Variants in LRTM2 observed in about 807,000 individuals in gnomAD.
The protein encoded by LRTM2 is leucine-rich repeat and transmembrane domain-containing protein 2.
A neutral mutation model predicts 28.1 loss-of-function variants in LRTM2; 18 were observed. The ratio of observed to expected loss-of-function variants is 0.64; its 90% CI spans 0.44 to 0.95. The LOEUF (loss-of-function observed/expected upper bound fraction) is 0.95. Ranked by LOEUF, LRTM2 falls within the 40% of genes least tolerant of loss-of-function variation. LRTM2 has a pLI of 0.00. For synonymous variants in LRTM2, 250 were observed against 218.7 expected (o/e 1.14, Z -1.26); for missense variants, 436 against 497.2 (o/e 0.88, Z 1.17).
At chr12:1,822,968 G>A (rs1007734232) in intron 1 of LRTM2, among the ~76,000 whole-genome samples, 2 of 152,212 alleles carry the variant, frequency 1.3e-5, no homozygotes, top group Admixed American at 6.5e-5. Flanking sequence ...CAGGCCCAGG[G>A]TGTGGGCCCA....
At position 1,829,618 on chromosome 12, in the gene LRTM2, C is replaced by T. The variant is rs575359642; in HGVS notation, c.68-1317C>T. Among the ~76,000 whole-genome samples, 142 of 151,852 alleles carry T rather than the reference C, an allele frequency of 9.4e-4. No homozygotes were observed. The highest frequency in any genetic ancestry group is 1.6e-3 in the Non-Finnish European group (110 of 67,922). On this transcript the variant is annotated intron_variant, in intron 3 of 4. Transcript: ENST00000299194. This position sits in a 1 kb window ranked among gnomAD's most constrained non-coding sequence, Gnocchi z 4.2. ...CTCATCCTGTTCCTTCAAGCTCCAC[C>T]CTTTGGGACAGCAGACACCCAGACC...
chr12:1,821,198 C>T (rs959255708), intron 1 of LRTM2, among the ~76,000 whole-genome samples: 2 of 152,122 alleles, frequency 1.3e-5, no homozygotes, highest in South Asian at 2.1e-4. Flanking sequence ...CCAAGAAACT[C>T]GGGGGTCATG....
intron 4 of LRTM2, 37 bp downstream of exon 4, chr12:1,831,562 G>A: frequency 6.5e-7 from 1 of 1,539,372 alleles, no homozygotes; most frequent in Non-Finnish European, 8.9e-7. Context: ...CCGAGGGATT[G>A]GGACGATCAC....
intron 3 of LRTM2, among the ~76,000 whole-genome samples, chr12:1,830,008 A>C (rs923714268): frequency 6.6e-6 from 1 of 152,208 alleles, no homozygotes. Context: ...TACTTCTCCC[A>C]GCCCTACAGA....
At position 1,836,651 on chromosome 12, in the gene LRTM2, C is replaced by T. The variant is rs1864871354; in HGVS notation, c.*1930C>T. 6.6e-6 allele frequency: 1 copy of T among 152,408 alleles called. No homozygotes were observed. Among genetic ancestry groups the T allele is most frequent in the African/African-American group, 2.4e-5 (1 of 41,378 alleles). 9.4% of individuals were successfully genotyped at this position (152,408 alleles called of 1,614,324 possible). A position where few individuals can be genotyped will look rare whatever the true frequency, so the allele number is the denominator to read the frequency against. ...GACTGGGGGGAGGGGAGGGCATTGT[C>T]AATGGTGGTATCTTTAGCCTGAGAC... On this transcript the variant is annotated 3_prime_UTR_variant, in exon 5 of 5. Coordinates refer to ENST00000299194, the MANE Select transcript of LRTM2 (RefSeq NM_001039029.3).
rs773070069 is a variant in LRTM2 at position 1,828,450 on chromosome 12, G to A, written c.67+235G>A. On this transcript the variant is annotated intron_variant, in intron 3 of 4. Coordinates refer to ENST00000299194, the MANE Select transcript of LRTM2 (RefSeq NM_001039029.3). This position sits in a 1 kb window ranked among gnomAD's most constrained non-coding sequence, Gnocchi z 4.2. ...TGAGTGGTTAGACCTGGAGCTGGAG[G>A]CCACGACAGTTGTTCTACCTCCCCC... Among the ~76,000 whole-genome samples the A allele has an allele frequency of 3.9e-5, 6 of 152,244 alleles. No homozygotes were observed. The highest frequency in any genetic ancestry group is 7.4e-5 in the Non-Finnish European group (5 of 68,024).
intron 4 of LRTM2, among the ~76,000 whole-genome samples, chr12:1,833,000 C>T (rs554384394): frequency 1.6e-4 from 24 of 152,300 alleles, no homozygotes; most frequent in African/African-American, 5.1e-4. Flanking sequence ...TGCAGGCCAC[C>T]GAGGTGTCAG....
rs1458308005 is a variant in LRTM2, at chr12:1,834,762, G to C, written c.*41G>C. ...CGGCCAGGTAGGAAGGGCGGGGAGA[G>C]CACACGGCATTGCTCAGCCACAGCT... is the stretch of plus-strand genomic sequence containing the variant. On this transcript the variant is annotated 3_prime_UTR_variant, in exon 5 of 5. Coordinates refer to ENST00000299194, the MANE Select transcript of LRTM2 (RefSeq NM_001039029.3). The surrounding 1 kb of genome is among the most constrained non-coding windows in gnomAD (Gnocchi z 7.6). 1.9e-6 allele frequency: 3 copies of C among 1,542,326 alleles called. No individual in the cohort carries two copies. Among genetic ancestry groups the C allele is most frequent in the African/African-American group, 2.7e-5 (2 of 73,534 alleles).
At chr12:1,825,891 G>C (rs754680676) in intron 1 of LRTM2, among the ~76,000 whole-genome samples, 3 of 152,214 alleles carry the variant, frequency 2.0e-5, no homozygotes, top group Non-Finnish European at 4.4e-5. Flanking sequence ...TCTGCCTTGG[G>C]TGGCCGTGGA....
chr12:1,823,024 G>A (rs981340183), intron 1 of LRTM2, among the ~76,000 whole-genome samples: 23 of 152,168 alleles, frequency 1.5e-4, no homozygotes, highest in African/African-American at 3.1e-4. Flanking sequence ...TGAAGGGGGC[G>A]GCAGAGTAGG....
In LRTM2 at chr12:1,828,556, G is replaced by A. The variant is rs1172327615; in HGVS notation, c.67+341G>A. Among the ~76,000 whole-genome samples, 1 of 152,248 alleles carries A rather than the reference G, an allele frequency of 6.6e-6. No homozygotes were observed. Among genetic ancestry groups the A allele is most frequent in the African/African-American group, 2.4e-5 (1 of 41,454 alleles). On this transcript the variant is annotated intron_variant, in intron 3 of 4. Coordinates refer to ENST00000299194, the MANE Select transcript of LRTM2 (RefSeq NM_001039029.3). This position sits in a 1 kb window ranked among gnomAD's most constrained non-coding sequence, Gnocchi z 4.2. ...ATGCAGGCCTGCTGAGTCTTAAACA[G>A]CCTCACTGGTGCCTGAGCTTGTCGG...
intron 1 of LRTM2, among the ~76,000 whole-genome samples, chr12:1,826,401 C>CT (rs1491459894): frequency 1.4e-4 from 2 of 13,798 alleles, no homozygotes; most frequent in East Asian, 2.8e-3. Flanking sequence ...GAACCCAGAG[C>CT]CCCCCCCCCC....
At chr12:1,825,444 C>A (rs886947) in intron 1 of LRTM2, among the ~76,000 whole-genome samples, 83,851 of 152,122 alleles carry the variant, frequency 0.55, 23,680 homozygotes, top group East Asian at 0.87. Context: ...GGGTTAGGGA[C>A]TGCTCTGCAG....
At chr12:1,830,364 G>A (rs1864567548) in intron 3 of LRTM2, among the ~76,000 whole-genome samples, 1 of 152,230 alleles carries the variant, frequency 6.6e-6, no homozygotes, top group Admixed American at 6.5e-5. Flanking sequence ...GTGAAGGACA[G>A]GGCTAGGAGT....
In LRTM2 at chr12:1,831,184, G is replaced by C. The variant is rs766045075; in HGVS notation, c.317G>C (p.Arg106Pro). 1.2e-5 allele frequency: 20 copies of C among 1,613,914 alleles called. No individual in the cohort carries two copies. The highest frequency in any genetic ancestry group is 1.7e-5 in the Non-Finnish European group (20 of 1,180,026). The change falls in exon 4 of 5, where the codon CGG (arginine) becomes CCG (proline). Residue 106 changes from arginine (R) to proline (P), a missense_variant. By Grantham distance (103) the Arg-to-Pro change is moderately radical. Coordinates refer to ENST00000299194, the MANE Select transcript of LRTM2 (RefSeq NM_001039029.3). ...GACCTGTCCAACAACTTCCTGGACC[G>C]GCTGCCCCGCTCCATTTTCGGGGAC... Reference protein sequence around the residue: ...RLDLSNNFLDRLPRSIFGDLT... With the variant: ...RLDLSNNFLDPLPRSIFGDLT...
chr12:1,830,727 A>G (rs1460387177), intron 3 of LRTM2, among the ~76,000 whole-genome samples: 1 of 152,192 alleles, frequency 6.6e-6, no homozygotes, highest in Non-Finnish European at 1.5e-5. Flanking sequence ...CGCCCTGCAG[A>G]CACTGTGTGA....
rs1312772472 is a variant in LRTM2 at position 1,834,714 on chromosome 12, T to A, written c.1106T>A (p.Val369Glu). 5.7e-6 allele frequency: 9 copies of A among 1,589,844 alleles called. No individual in the cohort carries two copies. Among genetic ancestry groups the A allele is most frequent in the Non-Finnish European group, 7.7e-6 (9 of 1,170,822 alleles). ...GAGGACCAGAAGCAGATCTCTTCTG[T>A]GGCCTGAGCGCCCATCCCCACCCGG... is the stretch of plus-strand genomic sequence containing the variant. ...EHEDQKQISSVA is the reference protein window; with the variant it reads ...EHEDQKQISSEA The change falls in exon 5 of 5, where the codon GTG (valine) becomes GAG (glutamate). Residue 369 changes from valine (V) to glutamate (E), a missense_variant. By Grantham distance (121) the Val-to-Glu change is moderately radical. Coordinates refer to ENST00000299194, the MANE Select transcript of LRTM2 (RefSeq NM_001039029.3). The surrounding 1 kb of genome is among the most constrained non-coding windows in gnomAD (Gnocchi z 7.6).
rs778801268 is a variant in LRTM2 at position 1,830,972 on chromosome 12, C to A, written c.105C>A (p.Ala35=). The A allele has an allele frequency of 1.1e-5, 17 of 1,612,908 alleles. No individual in the cohort carries two copies. Among genetic ancestry groups the A allele is most frequent in the Non-Finnish European group, 1.4e-5 (17 of 1,179,376 alleles). The part of the protein sequence containing the change: ...TCWIALYAVE[A]LPTCPFSCKC... ...GGATCGCCCTGTATGCTGTGGAGGC[C>A]CTCCCCACCTGCCCTTTCTCCTGCA... Residue 35 remains alanine (A), a synonymous_variant, in exon 4 of 5, where the codon GCC becomes GCA. Transcript: ENST00000299194.
rs779090415 is a variant in LRTM2 at position 1,834,571 on chromosome 12, C to T, written c.963C>T (p.Val321=). 2.5e-6 allele frequency: 4 copies of T among 1,601,530 alleles called. No individual in the cohort carries two copies. Among genetic ancestry groups the T allele is most frequent in the Non-Finnish European group, 2.5e-6 (3 of 1,179,910 alleles). ...TTGCAGGGGTCGTGTGCGGCGTCGT[C>T]TGCATCATGATGGTGGTGGCCGCTG... ...VIIAGVVCGV[V]CIMMVVAAAY... The change falls in exon 5 of 5, where the codon GTC becomes GTT. Residue 321 remains valine, a synonymous_variant. Coordinates refer to ENST00000299194, the MANE Select transcript of LRTM2 (RefSeq NM_001039029.3). The surrounding 1 kb of genome is among the most constrained non-coding windows in gnomAD (Gnocchi z 7.6).
Sources: gnomAD v4.1 joint callset for allele counts (sites outside exome capture counted in the v4.1 genomes callset) on GRCh38, gnomAD v4.1.1 for gene constraint, Gnocchi (gnomAD v3.1) non-coding constraint, MANE v1.5 for transcripts, NCBI Gene and HGNC (gene_info 2026-07-23, HGNC 2026-07-21) for gene names.